Variants in NAE1 observed in about 807,000 individuals in gnomAD.
The protein encoded by NAE1 is NEDD8-activating enzyme E1 regulatory subunit.
Under a neutral mutation model 88.0 loss-of-function variants are expected in NAE1, and 59 were observed. The ratio of observed to expected loss-of-function variants is 0.67; its 90% CI spans 0.54 to 0.83. The LOEUF (loss-of-function observed/expected upper bound fraction) is 0.83. Ranked by LOEUF, NAE1 falls within the 40% of genes least tolerant of loss-of-function variation. The pLI is 0.00. For missense variants in NAE1, 554 were observed against 632.8 expected (o/e 0.88, Z 1.34); for synonymous variants, 186 against 208.9 (o/e 0.89, Z 0.95).
At chr16:66,815,424 G>A (rs1160733888) in intron 11 of NAE1, among the ~76,000 whole-genome samples, 3 of 152,092 alleles carry the variant, frequency 2.0e-5, no homozygotes, top group Non-Finnish European at 4.4e-5. Context: ...CACAATCATG[G>A]CTCACTGCAG....
At chr16:66,828,039 T>C (rs1960533933) in intron 1 of NAE1, 1 of 1,613,770 alleles carries the variant, frequency 6.2e-7, no homozygotes, top group African/African-American at 1.3e-5. Flanking sequence ...GTATGCTCCA[T>C]AAGGGCCCAG....
intron 1 of NAE1, chr16:66,827,977 T>C (rs1475098924): frequency 6.2e-7 from 1 of 1,611,626 alleles, no homozygotes; most frequent in Non-Finnish European, 8.5e-7. Flanking sequence ...CAAGCCACTG[T>C]ACCTGGCTTC....
Position 66,802,965 on chromosome 16 carries a change from TAC to T in NAE1, c.*42_*43del, listed in dbSNP as rs756742563. 2.9e-5 allele frequency: 35 copies of T among 1,216,630 alleles called. No homozygotes were observed. The East Asian group carries it at 5.6e-4, about 19-fold the overall frequency. The allele number at this position is 1,216,630 out of a possible 1,614,324, so 75.4% of individuals were successfully genotyped here. On this transcript the variant is annotated 3_prime_UTR_variant, in exon 20 of 20. Coordinates refer to ENST00000290810, the MANE Select transcript of NAE1 (RefSeq NM_003905.4). ...GACTAAAGCACAACCCGAAGGCAAT[TAC>T]AGTTTCAATCATTAACACACTACTT...
Position 66,805,831 on chromosome 16 carries a change from A to AG in NAE1, c.1446-6dup. 1 of 1,553,874 alleles carries AG rather than the reference A, an allele frequency of 6.4e-7. No homozygotes were observed. The highest frequency in any genetic ancestry group is 8.7e-7 in the Non-Finnish European group (1 of 1,155,950). ...TCAGCAGCTCCATATCGGCAACTAA[A>AG]GGAGACCACAGAGACATGAATTTTG... On this transcript the variant is annotated splice_polypyrimidine_tract_variant and splice_region_variant and intron_variant, in intron 18 of 19. Transcript: ENST00000290810.
intron 7 of NAE1, among the ~76,000 whole-genome samples, chr16:66,820,772 G>A (rs961437869): frequency 3.4e-4 from 51 of 152,116 alleles, no homozygotes; most frequent in African/African-American, 1.2e-3. Flanking sequence ...ACGGTGGCGG[G>A]CGCCTGTAGT....
Position 66,816,960 on chromosome 16 carries a change from A to G in NAE1, c.748+5T>C, listed in dbSNP as rs1960067220. On this transcript the variant is annotated splice_donor_5th_base_variant and intron_variant, in intron 10 of 19. Coordinates refer to ENST00000290810, the MANE Select transcript of NAE1 (RefSeq NM_003905.4). ...TATACAGTATTTAATCATATCCCAT[A>G]TTACCTTGTCTAATCAAATCTCTGA... is the stretch of plus-strand genomic sequence containing the variant. The G allele has an allele frequency of 6.3e-7, 1 of 1,595,258 alleles. No individual in the cohort carries two copies. Among genetic ancestry groups the G allele is most frequent in the Admixed American group, 1.8e-5 (1 of 54,842 alleles).
Position 66,816,653 on chromosome 16 carries a change from A to C in NAE1, c.768T>G (p.Asn256Lys). The C allele has an allele frequency of 6.2e-7, 1 of 1,611,418 alleles. No individual in the cohort carries two copies. The highest frequency in any genetic ancestry group is 8.5e-7 in the Non-Finnish European group (1 of 1,178,292). Residue 256 changes from asparagine (N) to lysine (K), a missense_variant, in exon 11 of 20, where the codon AAT (asparagine) becomes AAG (lysine). Transcript: ENST00000290810. ...LIRQGILKNE[N>K]GAPEDEENFE... ...AATTCTCTTCATCTTCTGGAGCCCC[A>C]TTTTCATTTTTTAGAATTCCTATTG...
At chr16:66,807,088 A>T (rs1395886785) in intron 17 of NAE1, among the ~76,000 whole-genome samples, 1 of 152,156 alleles carries the variant, frequency 6.6e-6, no homozygotes, top group African/African-American at 2.4e-5. Context: ...GTCTTCTTGC[A>T]TGTCTAACTC....
chr16:66,823,424 T>G, intron 5 of NAE1, 105 bp downstream of exon 5: 1 of 1,294,104 alleles, frequency 7.7e-7, no homozygotes, highest in South Asian at 1.3e-5. Flanking sequence ...CCAATTCAAC[T>G]AATCATAAAT....
intron 9 of NAE1, 174 bp downstream of exon 9, chr16:66,817,245 TAATTAA>T (rs1960081455): frequency 1.1e-6 from 1 of 890,684 alleles, no homozygotes; most frequent in African/African-American, 1.7e-5. Flanking sequence ...AATTTCATTT[TAATTAA>T]AATTATCAGG....
At chr16:66,804,199 T>C (rs149274864) in intron 19 of NAE1, among the ~76,000 whole-genome samples, 1 of 149,460 alleles carries the variant, frequency 6.7e-6, no homozygotes, top group South Asian at 2.1e-4. Context: ...AGGGATATAA[T>C]GGCACTGTGC....
At chr16:66,830,381 C>T (rs1451685307) in intron 1 of NAE1, among the ~76,000 whole-genome samples, 2 of 152,232 alleles carry the variant, frequency 1.3e-5, no homozygotes, top group Non-Finnish European at 2.9e-5. Flanking sequence ...TCAATTTCAT[C>T]TGTTTCATTT....
At chr16:66,819,765 T>C (rs996937308) in intron 7 of NAE1, among the ~76,000 whole-genome samples, 2 of 152,232 alleles carry the variant, frequency 1.3e-5, no homozygotes, top group Non-Finnish European at 2.9e-5. Flanking sequence ...GGATACTCAA[T>C]CTGTACCTTA....
intron 8 of NAE1, 98 bp downstream of exon 8, chr16:66,818,430 G>T (rs1206248601): frequency 1.2e-5 from 10 of 839,554 alleles, no homozygotes; most frequent in Non-Finnish European, 1.8e-5. Context: ...GAATATGGAA[G>T]TTTATAGGAT....
intron 11 of NAE1, among the ~76,000 whole-genome samples, chr16:66,816,282 C>G (rs1489369556): frequency 6.6e-6 from 1 of 152,084 alleles, no homozygotes; most frequent in East Asian, 1.9e-4. Context: ...TCTCCTGCCT[C>G]AGCCTCCCGA....
chr16:66,826,298 TG>T, intron 3 of NAE1: 1 of 541,516 alleles, frequency 1.8e-6, no homozygotes, highest in Non-Finnish European at 3.3e-6. Context: ...ACTACTCCTT[TG>T]TATTAATAAC....
At chr16:66,808,858 A>T in intron 16 of NAE1, 131 bp downstream of exon 16, 1 of 645,912 alleles carries the variant, frequency 1.5e-6, no homozygotes, top group Non-Finnish European at 2.5e-6. Flanking sequence ...AGATAAGCTT[A>T]GAATAAAATT....
Position 66,810,375 on chromosome 16 carries a change from G to C in NAE1, c.1149C>G (p.Leu383=). The C allele has an allele frequency of 6.3e-7, 1 of 1,592,220 alleles. No individual in the cohort carries two copies. The highest frequency in any genetic ancestry group is 8.6e-7 in the Non-Finnish European group (1 of 1,161,592). ...ESISEKELKL[L]CSNSAFLRVV... ...GGAAATTAATTCAAGGGGACTTACA[G>C]AGTAATTTTAATTCTTTCTCTGAAA... Residue 383 remains leucine, a splice_region_variant and synonymous_variant, in exon 15 of 20, where the codon CTC becomes CTG. Coordinates refer to ENST00000290810, the MANE Select transcript of NAE1 (RefSeq NM_003905.4).
At chr16:66,824,669 AAC>A in intron 4 of NAE1, 184 bp downstream of exon 4, 1 of 519,630 alleles carries the variant, frequency 1.9e-6, no homozygotes, top group African/African-American at 1.9e-5. Context: ...GCAATGTATA[AAC>A]ACAGACAGTA....
Sources: allele counts gnomAD v4.1 joint callset (sites outside exome capture counted in the v4.1 genomes callset), GRCh38; gene constraint gnomAD v4.1.1; transcripts MANE v1.5; gene names NCBI Gene and HGNC (gene_info 2026-07-23, HGNC 2026-07-21).